ZFPM1: variants seen among roughly 807,000 people sequenced by gnomAD.
The protein encoded by ZFPM1 is zinc finger protein, FOG family member 1, also known as zinc finger protein ZFPM1.
Under a neutral mutation model 46.3 loss-of-function variants are expected in ZFPM1, and 28 were observed. The ratio of observed to expected loss-of-function variants is 0.60; its 90% CI spans 0.45 to 0.83. The LOEUF (loss-of-function observed/expected upper bound fraction) is 0.83, where lower values mean the gene tolerates loss of function less well. Ranked by LOEUF, ZFPM1 falls within the 40% of genes least tolerant of loss-of-function variation. ZFPM1 has a pLI of 0.00. For missense variants in ZFPM1, 1,878 were observed against 1,432.4 expected (o/e 1.31, Z -5.02); for synonymous variants, 957 against 675.9 (o/e 1.42, Z -6.45).
At position 88,533,751 on chromosome 16, in the gene ZFPM1, T is replaced by C. The variant is rs2142497461; in HGVS notation, c.1793T>C (p.Leu598Pro). ...AACAACTACTACGTGCACAAGCGCC[T>C]CTACTGTTCAGGCCGCCGTGCGCCC... ...NVNNYYVHKRLYCSGRRAPED... is the reference protein window; with the variant it reads ...NVNNYYVHKRPYCSGRRAPED... The change falls in exon 10 of 10, where the codon CTC becomes CCC. Residue 598 changes from leucine to proline, a missense_variant. Transcript: ENST00000319555. The C allele has an allele frequency of 6.8e-7, 1 of 1,478,268 alleles. No individual in the cohort carries two copies. Among genetic ancestry groups the C allele is most frequent in the Middle Eastern group, 2.0e-4 (1 of 4,984 alleles). 91.6% of individuals were successfully genotyped at this position (1,478,268 alleles called of 1,614,324 possible).
intron 1 of ZFPM1, among the ~76,000 whole-genome samples, chr16:88,458,701 G>C (rs926998748): frequency 1.3e-5 from 2 of 152,142 alleles, no homozygotes; most frequent in African/African-American, 2.4e-5. Context: ...TGGGGCTCCT[G>C]CCCACCTGGC....
chr16:88,470,102 G>A (rs532312886), intron 1 of ZFPM1, among the ~76,000 whole-genome samples: 42 of 152,154 alleles, frequency 2.8e-4, no homozygotes, highest in Non-Finnish European at 5.7e-4. Flanking sequence ...AAAGGAAACG[G>A]AGAAAAAGCC....
At chr16:88,527,404 G>A (rs957282045) in intron 5 of ZFPM1, among the ~76,000 whole-genome samples, 53 of 152,126 alleles carry the variant, frequency 3.5e-4, no homozygotes, top group African/African-American at 1.0e-3. Context: ...ACGTCTGGGT[G>A]GCCTGCACCT....
At chr16:88,530,409 C>T (rs1210797861) in intron 6 of ZFPM1, 3 of 151,426 alleles carry the variant, frequency 2.0e-5, no homozygotes, top group South Asian at 2.1e-4. Context: ...TTCGGAAGGA[C>T]ACCACCGTGA....
Position 88,533,672 on chromosome 16 carries a change from G to C in ZFPM1, c.1714G>C (p.Gly572Arg), listed in dbSNP as rs1382317104. 4.0e-6 allele frequency: 6 copies of C among 1,489,048 alleles called. No individual in the cohort carries two copies. Among genetic ancestry groups the C allele is most frequent in the Non-Finnish European group, 5.4e-6 (6 of 1,115,332 alleles). 92.2% of individuals were successfully genotyped at this position (1,489,048 alleles called of 1,614,324 possible). ...AGGAQTGLFP[G>R]APKGATCFEC... ...CGGCGCGCAGACCGGGCTCTTCCCCGGGGCCCCCAAGGGCGCTACGTGCTT... is the reference window on the plus strand; with the variant it reads ...CGGCGCGCAGACCGGGCTCTTCCCCCGGGCCCCCAAGGGCGCTACGTGCTT... Residue 572 changes from glycine to arginine, a missense_variant, in exon 10 of 10, where the codon GGG becomes CGG. Physicochemically the swap from Gly to Arg is moderately radical, Grantham distance 125 (BLOSUM62 -2). Transcript: ENST00000319555.
At chr16:88,495,538 C>T (rs74035507) in intron 3 of ZFPM1, among the ~76,000 whole-genome samples, 78 of 152,350 alleles carry the variant, frequency 5.1e-4, no homozygotes, top group African/African-American at 1.8e-3. Flanking sequence ...GCGAGTCTCC[C>T]CCAGCTCTGC....
chr16:88,496,492 T>C (rs1018614362), intron 3 of ZFPM1, among the ~76,000 whole-genome samples: 1 of 151,886 alleles, frequency 6.6e-6, no homozygotes, highest in African/African-American at 2.4e-5. Context: ...AGGGGCAAAG[T>C]GGGGCCTGGG....
Position 88,533,477 on chromosome 16 carries a change from C to A in ZFPM1, c.1519C>A (p.Pro507Thr). 7.1e-7 allele frequency: 1 copy of A among 1,407,364 alleles called. No homozygotes were observed. Among genetic ancestry groups the A allele is most frequent in the Non-Finnish European group, 9.2e-7 (1 of 1,087,968 alleles). The allele number at this position is 1,407,364 out of a possible 1,614,324, so 87.2% of individuals were successfully genotyped here. ...PARVKAELSS[P>T]TPGSSPVPGE... ...CAGGGTCAAGGCCGAGCTGTCCAGC[C>A]CCACGCCGGGCTCCAGCCCGGTGCC... is the stretch of plus-strand genomic sequence containing the variant. Residue 507 changes from proline (P) to threonine (T), a missense_variant, in exon 10 of 10, where the codon CCC (proline) becomes ACC (threonine). Coordinates refer to ENST00000319555, the MANE Select transcript of ZFPM1 (RefSeq NM_153813.3).
intron 2 of ZFPM1, among the ~76,000 whole-genome samples, chr16:88,488,761 G>C (rs1198051171): frequency 6.6e-6 from 1 of 152,224 alleles, no homozygotes; most frequent in Non-Finnish European, 1.5e-5. Flanking sequence ...GGACAGGCCA[G>C]TTGGCCATCC....
chr16:88,463,482 C>T (rs929290487), intron 1 of ZFPM1, among the ~76,000 whole-genome samples: 9 of 152,260 alleles, frequency 5.9e-5, no homozygotes, highest in Non-Finnish European at 4.4e-5. Flanking sequence ...GTCACAGCAC[C>T]TACTGGGCAT....
chr16:88,531,045 G>A (rs1912747457), intron 6 of ZFPM1: 1 of 152,270 alleles, frequency 6.6e-6, no homozygotes, highest in African/African-American at 2.4e-5. Flanking sequence ...ATCAACATCG[G>A]AGAAGCCGGG....
intron 6 of ZFPM1, among the ~76,000 whole-genome samples, chr16:88,531,374 C>T (rs59542659): frequency 0.019 from 2,918 of 152,246 alleles, 91 homozygotes; most frequent in African/African-American, 0.067. Context: ...TATAAGCAGC[C>T]CATTTGGGGT....
intron 1 of ZFPM1, among the ~76,000 whole-genome samples, chr16:88,478,788 C>T (rs1406756961): frequency 6.6e-6 from 1 of 152,182 alleles, no homozygotes; most frequent in Non-Finnish European, 1.5e-5. Flanking sequence ...GTGCTGAGGC[C>T]CCAAGGCAAG....
chr16:88,482,262 C>T (rs1218801904), intron 1 of ZFPM1, among the ~76,000 whole-genome samples: 2 of 151,980 alleles, frequency 1.3e-5, no homozygotes, highest in Non-Finnish European at 2.9e-5. Context: ...AGAGTCCCCA[C>T]GGACCCCAGG....
In ZFPM1 at chr16:88,532,009, C is replaced by G. The variant is rs144801014; in HGVS notation, c.720C>G (p.Val240=). 15 of 1,602,054 alleles carry G rather than the reference C, an allele frequency of 9.4e-6. No homozygotes were observed. The African/African-American group carries it at 1.7e-4, about 19-fold the overall frequency. Residue 240 remains valine (V), a synonymous_variant, in exon 7 of 10, where the codon GTC becomes GTG. Transcript: ENST00000319555. ...CTGCTTCCCACCCCACAGAAGACGT[C>G]TTCCCCTGCAAGGACTGTGGCATCT... ...ILATAVINKD[V]FPCKDCGIWY... is the part of the protein sequence containing the mutation.
intron 3 of ZFPM1, among the ~76,000 whole-genome samples, chr16:88,500,399 C>A (rs561773863): frequency 3.3e-5 from 5 of 152,270 alleles, no homozygotes; most frequent in African/African-American, 7.2e-5. Context: ...GGGCAAGCCA[C>A]AAGCGTGTCG....
Position 88,532,122 on chromosome 16 carries a change from C to G in ZFPM1, c.833C>G (p.Thr278Arg). 1 of 1,612,656 alleles carries G rather than the reference C, an allele frequency of 6.2e-7. No homozygotes were observed. Among genetic ancestry groups the G allele is most frequent in the Non-Finnish European group, 8.5e-7 (1 of 1,179,802 alleles). ...QGTGSPAAAA[T>R]DEKPKETYPN... ...ACCGGCTCCCCGGCCGCAGCCGCCACAGACGAGAAGCCCAAAGAGACCTAC... is the reference window on the plus strand; with the variant it reads ...ACCGGCTCCCCGGCCGCAGCCGCCAGAGACGAGAAGCCCAAAGAGACCTAC... Residue 278 changes from threonine (T) to arginine (R), a missense_variant, in exon 7 of 10, where the codon ACA becomes AGA. Thr to Arg is a moderately conservative substitution (Grantham distance 71). Coordinates refer to ENST00000319555, the MANE Select transcript of ZFPM1 (RefSeq NM_153813.3).
chr16:88,521,864 CCT>C (rs919099301), intron 4 of ZFPM1, among the ~76,000 whole-genome samples: 1 of 150,396 alleles, frequency 6.6e-6, no homozygotes, highest in Non-Finnish European at 1.5e-5. Context: ...GCTGTTCCCT[CCT>C]CTCTGTTTCC....
intron 3 of ZFPM1, among the ~76,000 whole-genome samples, chr16:88,506,192 C>G (rs1214738619): frequency 6.7e-6 from 1 of 150,180 alleles, no homozygotes; most frequent in Non-Finnish European, 1.5e-5. Flanking sequence ...CAGAGGAGAC[C>G]AGGGCAGGAG....
Sources: gnomAD v4.1 joint callset for allele counts (sites outside exome capture counted in the v4.1 genomes callset) on GRCh38, gnomAD v4.1.1 for gene constraint, MANE v1.5 for transcripts, NCBI Gene and HGNC (gene_info 2026-07-23, HGNC 2026-07-21) for gene names.